Variants in EIF3H observed in about 807,000 individuals in gnomAD.
The protein encoded by EIF3H is eukaryotic translation initiation factor 3 subunit H.
In EIF3H, 26 loss-of-function variants were observed where a neutral mutation model predicts 44.2. The observed-to-expected ratio is 0.59, with a 90% confidence interval of 0.43 to 0.82. The LOEUF is 0.82. EIF3H is among the 40% of genes least tolerant of loss of function. The pLI is 0.00. For synonymous variants in EIF3H, 166 were observed against 151.9 expected (o/e 1.09, Z -0.68); for missense variants, 359 against 432.8 (o/e 0.83, Z 1.51).
intron 2 of EIF3H, among the ~76,000 whole-genome samples, chr8:116,717,154 A>G (rs1259792618): frequency 6.6e-6 from 1 of 152,198 alleles, no homozygotes; most frequent in East Asian, 1.9e-4. Context: ...TGGTGACTAC[A>G]TTTTAATGCC....
intron 2 of EIF3H, among the ~76,000 whole-genome samples, chr8:116,696,541 G>A (rs1469229017): frequency 1.3e-5 from 2 of 152,110 alleles, no homozygotes; most frequent in African/African-American, 2.4e-5. Context: ...TAATAATTAG[G>A]AATAATGATT....
At position 116,652,535 on chromosome 8, in the gene EIF3H, G is replaced by A. The variant is rs990455471; in HGVS notation, c.707+3321C>T. On this transcript the variant is annotated intron_variant, in intron 5 of 7. Coordinates refer to ENST00000521861, the MANE Select transcript of EIF3H (RefSeq NM_003756.3). ...ATGTCTTTGTTTTTAGGAGATGCAC[G>A]CATTTTAGAAGTATTTAGGGGTTAA... Among the ~76,000 whole-genome samples, 15 of 152,272 alleles carry A rather than the reference G, an allele frequency of 9.9e-5. No homozygotes were observed. The East Asian group carries it at 1.7e-3, about 18-fold the overall frequency.
chr8:116,728,029 A>G (rs770176092), intron 1 of EIF3H, among the ~76,000 whole-genome samples: 4 of 152,230 alleles, frequency 2.6e-5, no homozygotes, highest in South Asian at 2.1e-4. Flanking sequence ...AGTCACTGAA[A>G]TAACTTTTTA....
intron 2 of EIF3H, among the ~76,000 whole-genome samples, chr8:116,724,779 A>G (rs955211578): frequency 1.3e-4 from 20 of 152,214 alleles, no homozygotes; most frequent in Non-Finnish European, 2.4e-4. Flanking sequence ...TCAAACACAC[A>G]GAAAATAACA....
At chr8:116,703,770 G>C (rs1194274601) in intron 2 of EIF3H, among the ~76,000 whole-genome samples, 1 of 152,078 alleles carries the variant, frequency 6.6e-6, no homozygotes, top group Non-Finnish European at 1.5e-5. Context: ...GGCATTTGGG[G>C]CCACTACCGG....
At chr8:116,647,566 G>A (rs1314839029) in intron 6 of EIF3H, among the ~76,000 whole-genome samples, 2 of 152,218 alleles carry the variant, frequency 1.3e-5, no homozygotes, top group African/African-American at 4.8e-5. Context: ...TAAACTTATA[G>A]ATCAACTACA....
At chr8:116,717,996 G>A (rs1056897758) in intron 2 of EIF3H, among the ~76,000 whole-genome samples, 15 of 151,886 alleles carry the variant, frequency 9.9e-5, no homozygotes, top group African/African-American at 2.2e-4. Flanking sequence ...CTATATAACC[G>A]ACAAAGGACT....
chr8:116,741,740 G>GT (rs1815136960), intron 1 of EIF3H, among the ~76,000 whole-genome samples: 1 of 152,220 alleles, frequency 6.6e-6, no homozygotes, highest in Non-Finnish European at 1.5e-5. Context: ...CTGTAATGCT[G>GT]TAAGATCTCC....
chr8:116,715,638 A>T (rs1042160943), intron 2 of EIF3H, among the ~76,000 whole-genome samples: 1 of 152,082 alleles, frequency 6.6e-6, no homozygotes, highest in African/African-American at 2.4e-5. Flanking sequence ...TTCCTATATC[A>T]CCTGAAATAG....
chr8:116,668,475 A>G (rs1489016012), intron 2 of EIF3H, among the ~76,000 whole-genome samples: 1 of 152,232 alleles, frequency 6.6e-6, no homozygotes, highest in Non-Finnish European at 1.5e-5. Context: ...ATACATATAC[A>G]TACATACATA....
At chr8:116,693,433 C>T (rs1412500895) in intron 2 of EIF3H, among the ~76,000 whole-genome samples, 1 of 152,126 alleles carries the variant, frequency 6.6e-6, no homozygotes, top group African/African-American at 2.4e-5. Context: ...AATAGAGAAA[C>T]ACACTGCTGC....
At position 116,725,922 on chromosome 8, in the gene EIF3H, T is replaced by C. The variant is rs188768328; in HGVS notation, c.289+94A>G. The C allele has an allele frequency of 3.8e-4, 535 of 1,403,694 alleles. 1 individual carries two copies. In the African/African-American group the frequency reaches 6.5e-3, roughly 17 times the overall value. The allele number at this position is 1,403,694 out of a possible 1,614,324, so 87.0% of individuals were successfully genotyped here. On this transcript the variant is annotated intron_variant, in intron 2 of 7. Transcript: ENST00000521861. ...AGTGAAGTAGGCTAGCCTGACAGATTCCCAATTCACACATTATCAAAAGTT... is the reference window on the plus strand; with the variant it reads ...AGTGAAGTAGGCTAGCCTGACAGATCCCCAATTCACACATTATCAAAAGTT...
At chr8:116,732,705 T>A (rs1360941558) in intron 1 of EIF3H, among the ~76,000 whole-genome samples, 1 of 152,102 alleles carries the variant, frequency 6.6e-6, no homozygotes, top group African/African-American at 2.4e-5. Flanking sequence ...TGAGTGACTT[T>A]TCAGATCAGT....
intron 2 of EIF3H, among the ~76,000 whole-genome samples, chr8:116,685,404 C>A (rs935123644): frequency 6.6e-6 from 1 of 152,184 alleles, no homozygotes; most frequent in Admixed American, 6.5e-5. Flanking sequence ...TGTGTTAACA[C>A]TGAGCCTCAC....
chr8:116,739,085 T>C (rs1024956921), intron 1 of EIF3H, among the ~76,000 whole-genome samples: 1 of 152,164 alleles, frequency 6.6e-6, no homozygotes, highest in Non-Finnish European at 1.5e-5. Flanking sequence ...GGCAGTCAGT[T>C]TACTGGAATA....
exon 1 of EIF3H, chr8:116,765,702 C>G (rs1815564656): frequency 6.6e-6 from 1 of 152,224 alleles, no homozygotes; most frequent in South Asian, 2.1e-4. Context: ...TGAAACTTAT[C>G]TAGACCTACA....
At chr8:116,755,184 T>G (rs966457640) in intron 1 of EIF3H, among the ~76,000 whole-genome samples, 2 of 152,216 alleles carry the variant, frequency 1.3e-5, no homozygotes, top group Admixed American at 6.5e-5. Flanking sequence ...TATTCTAAAT[T>G]ATACGGTTTC....
intron 2 of EIF3H, among the ~76,000 whole-genome samples, chr8:116,715,622 G>T (rs766944250): frequency 1.3e-5 from 2 of 152,048 alleles, no homozygotes; most frequent in Non-Finnish European, 2.9e-5. Flanking sequence ...GCAAAATAAA[G>T]TAAGCTTCCT....
At chr8:116,714,222 T>C (rs1814622560) in intron 2 of EIF3H, among the ~76,000 whole-genome samples, 1 of 152,092 alleles carries the variant, frequency 6.6e-6, no homozygotes, top group African/African-American at 2.4e-5. Flanking sequence ...TCAGAACACA[T>C]TCAAAAGACA....
Sources: allele counts gnomAD v4.1 joint callset (sites outside exome capture counted in the v4.1 genomes callset), GRCh38; gene constraint gnomAD v4.1.1; transcripts MANE v1.5; gene names NCBI Gene and HGNC (gene_info 2026-07-23, HGNC 2026-07-21).